Variants in PLXNA4 observed in about 807,000 individuals in gnomAD.
The protein encoded by PLXNA4 is plexin A4.
A neutral mutation model predicts 191.8 loss-of-function variants in PLXNA4; 44 were observed. That is an observed-to-expected ratio of 0.23 (90% CI 0.18 to 0.29). The LOEUF is 0.29. Among genes scored for constraint, PLXNA4 ranks in the 10% least tolerant of loss-of-function variants. The probability of loss-of-function intolerance (pLI) is 1.00; values close to 1 mark genes in which losing one functional copy is unlikely to be tolerated. For missense variants in PLXNA4, 1,800 were observed against 2,488.8 expected, an observed-to-expected ratio of 0.72 and a Z score of 5.89; for synonymous variants, 1,082 against 1,009.5, an observed-to-expected ratio of 1.07 and a Z score of -1.36.
intron 24 of PLXNA4, among the ~76,000 whole-genome samples, chr7:132,160,273 C>T (rs1392086667): frequency 6.6e-6 from 1 of 152,166 alleles, no homozygotes; most frequent in Admixed American, 6.5e-5. Context: ...TTAAAGATTG[C>T]AGGTTCAGGA....
intron 4 of PLXNA4, among the ~76,000 whole-genome samples, chr7:132,260,852 G>A (rs1188895652): frequency 6.6e-6 from 1 of 152,066 alleles, no homozygotes; most frequent in Admixed American, 6.6e-5. Flanking sequence ...TACAACCCCA[G>A]AGTGAGCCCT....
At position 132,508,486 on chromosome 7, in the gene PLXNA4, G is replaced by T. The variant is rs765087543; in HGVS notation, c.208C>A (p.Arg70=). The change falls in exon 2 of 32, where the codon CGG becomes AGG. Residue 70 remains arginine, a synonymous_variant. Transcript: ENST00000321063. The surrounding 1 kb of genome is among the most constrained non-coding windows in gnomAD (Gnocchi z 4.4). ...AGGTCGCTGGAGAGCTTGTAAATCCGATTGACGGCCCCCAAGTAAATGTGT... is the reference window on the plus strand; with the variant it reads ...AGGTCGCTGGAGAGCTTGTAAATCCTATTGACGGCCCCCAAGTAAATGTGT... ...TGHIYLGAVN[R]IYKLSSDLKV... 13 of 1,614,038 alleles carry T rather than the reference G, an allele frequency of 8.1e-6. No homozygotes were observed. The highest frequency in any genetic ancestry group is 1.7e-5 in the Admixed American group (1 of 60,006).
chr7:132,247,418 A>G (rs1799097916), intron 4 of PLXNA4, among the ~76,000 whole-genome samples: 1 of 152,226 alleles, frequency 6.6e-6, no homozygotes, highest in African/African-American at 2.4e-5. Context: ...AAAGAAAAAA[A>G]GAGGCAAGAT....
chr7:132,435,792 T>C (rs1003250440), intron 3 of PLXNA4, among the ~76,000 whole-genome samples: 46 of 152,112 alleles, frequency 3.0e-4, no homozygotes, highest in African/African-American at 1.1e-3. Flanking sequence ...TTCCTACACA[T>C]TGGAGTACCC....
chr7:132,478,239 T>C (rs1328339958), intron 3 of PLXNA4, among the ~76,000 whole-genome samples: 1 of 152,238 alleles, frequency 6.6e-6, no homozygotes, highest in Non-Finnish European at 1.5e-5. Context: ...AGATGTATCT[T>C]TCTCTCCCAA....
intron 4 of PLXNA4, among the ~76,000 whole-genome samples, chr7:132,282,520 G>A (rs1800517172): frequency 6.7e-6 from 1 of 150,242 alleles, no homozygotes; most frequent in Non-Finnish European, 1.5e-5. Context: ...AGGATGGCTT[G>A]AACCTGGGAG....
intron 15 of PLXNA4, among the ~76,000 whole-genome samples, chr7:132,187,096 G>A (rs947457226): frequency 6.6e-6 from 1 of 151,958 alleles, no homozygotes; most frequent in African/African-American, 2.4e-5. Flanking sequence ...CCCAGGAACT[G>A]AAGACAGCAA....
At chr7:132,147,447 C>T (rs1331938846) in intron 27 of PLXNA4, among the ~76,000 whole-genome samples, 1 of 152,166 alleles carries the variant, frequency 6.6e-6, no homozygotes, top group African/African-American at 2.4e-5. Flanking sequence ...TTCTACCCCA[C>T]CTCCAGCACC....
intron 1 of PLXNA4, among the ~76,000 whole-genome samples, chr7:132,561,311 C>T (rs1301108473): frequency 1.3e-5 from 2 of 149,040 alleles, no homozygotes; most frequent in Non-Finnish European, 3.0e-5. Flanking sequence ...TCCTCTTTCT[C>T]CTTCTTCTCC....
At chr7:132,438,904 G>T (rs1185608387) in intron 3 of PLXNA4, among the ~76,000 whole-genome samples, 1 of 152,064 alleles carries the variant, frequency 6.6e-6, no homozygotes, top group Non-Finnish European at 1.5e-5. Flanking sequence ...GACTTTCACA[G>T]GTTTATATGA....
intron 4 of PLXNA4, among the ~76,000 whole-genome samples, chr7:132,249,801 G>T (rs1206332714): frequency 2.0e-5 from 3 of 152,222 alleles, no homozygotes; most frequent in African/African-American, 7.2e-5. Flanking sequence ...GCTGAACACA[G>T]GTCCTGTGTT....
intron 25 of PLXNA4, among the ~76,000 whole-genome samples, chr7:132,157,820 CAATT>C (rs2116622341): frequency 6.6e-6 from 1 of 152,344 alleles, no homozygotes; most frequent in South Asian, 2.1e-4. Flanking sequence ...GTATTCCACT[CAATT>C]GTTTGGACGT....
At chr7:132,438,892 T>C (rs1795580770) in intron 3 of PLXNA4, among the ~76,000 whole-genome samples, 3 of 152,218 alleles carry the variant, frequency 2.0e-5, no homozygotes, top group Non-Finnish European at 4.4e-5. Context: ...AAGTCATCGA[T>C]GGACTTTCAC....
chr7:132,633,463 A>G (rs1585418594), intron 2 of PLXNA4, among the ~76,000 whole-genome samples: 1 of 151,992 alleles, frequency 6.6e-6, no homozygotes, highest in Middle Eastern at 3.2e-3. Flanking sequence ...TTGTATTTTT[A>G]GTAGAGACAG....
At chr7:132,301,732 T>C (rs1446905643) in intron 3 of PLXNA4, among the ~76,000 whole-genome samples, 1 of 152,230 alleles carries the variant, frequency 6.6e-6, no homozygotes, top group Non-Finnish European at 1.5e-5. Flanking sequence ...TCTACTGCAG[T>C]TCTGGGAGAG....
At chr7:132,249,157 A>G (rs1469752733) in intron 4 of PLXNA4, among the ~76,000 whole-genome samples, 1 of 152,244 alleles carries the variant, frequency 6.6e-6, no homozygotes, top group Admixed American at 6.5e-5. Flanking sequence ...TGTCTGGGTG[A>G]CCTTGAACAA....
At chr7:132,320,988 C>G (rs1253227702) in intron 3 of PLXNA4, among the ~76,000 whole-genome samples, 1 of 152,138 alleles carries the variant, frequency 6.6e-6, no homozygotes, top group Non-Finnish European at 1.5e-5. Flanking sequence ...CCCAAATCTC[C>G]CTGTTTTTCT....
intron 25 of PLXNA4, among the ~76,000 whole-genome samples, chr7:132,154,592 GC>G (rs970936978): frequency 3.8e-4 from 58 of 152,316 alleles, no homozygotes; most frequent in African/African-American, 1.3e-3. Context: ...AAAGGCAAAC[GC>G]AGGCTGAGCC....
chr7:132,612,532 T>C (rs1803071654), intron 2 of PLXNA4, among the ~76,000 whole-genome samples: 1 of 151,850 alleles, frequency 6.6e-6, no homozygotes, highest in South Asian at 2.1e-4. Context: ...GGCGTGGTGG[T>C]GCACAACTGT....
Sources: gnomAD v4.1 joint callset for allele counts (sites outside exome capture counted in the v4.1 genomes callset) on GRCh38, gnomAD v4.1.1 for gene constraint, Gnocchi (gnomAD v3.1) non-coding constraint, MANE v1.5 for transcripts, NCBI Gene and HGNC (gene_info 2026-07-23, HGNC 2026-07-21) for gene names.